The following PCDH9 variants were observed in gnomAD, a reference collection of about 807,000 sequenced individuals.
PCDH9 encodes protocadherin-9.
PCDH9 carries 24 observed loss-of-function variants against 70.6 expected under a neutral mutation model. The observed-to-expected ratio is 0.34, with a 90% CI of 0.25 to 0.48. The LOEUF (loss-of-function observed/expected upper bound fraction) is 0.48. Ranked by LOEUF, PCDH9 falls within the 20% of genes least tolerant of loss-of-function variation. The probability of loss-of-function intolerance (pLI) is 0.99; values close to 1 mark genes in which losing one functional copy is unlikely to be tolerated. For synonymous variants in PCDH9, 562 were observed against 558.5 expected, an observed-to-expected ratio of 1.01 and a Z score of -0.09; for missense variants, 1,281 against 1,503.6, an observed-to-expected ratio of 0.85 and a Z score of 2.45.
At chr13:67,106,802 C>A (rs9541002) in intron 2 of PCDH9, among the ~76,000 whole-genome samples, 18,511 of 152,250 alleles carry the variant, frequency 0.12, 1,202 homozygotes, top group African/African-American at 0.15. Flanking sequence ...TGGCCTCTCC[C>A]TGCCCCTGGC....
chr13:66,495,001 TGGAA>T (rs922812479), intron 4 of PCDH9, among the ~76,000 whole-genome samples: 25 of 150,728 alleles, frequency 1.7e-4, no homozygotes, highest in African/African-American at 4.6e-4. Flanking sequence ...GAGGAGAGGA[TGGAA>T]GGAAGGAAGG....
At chr13:67,008,907 C>A (rs771569613) in intron 2 of PCDH9, among the ~76,000 whole-genome samples, 5 of 152,020 alleles carry the variant, frequency 3.3e-5, no homozygotes, top group Non-Finnish European at 5.9e-5. Flanking sequence ...TCTCATAGAA[C>A]AAGAACATTA....
chr13:66,662,586 C>T (rs9540863), intron 3 of PCDH9, among the ~76,000 whole-genome samples: 86,449 of 151,978 alleles, frequency 0.57, 24,917 homozygotes, highest in African/African-American at 0.65. Flanking sequence ...TTGTCCAAGA[C>T]ATTGAATATC....
intron 4 of PCDH9, among the ~76,000 whole-genome samples, chr13:66,347,985 C>A (rs1956237137): frequency 6.6e-6 from 1 of 152,184 alleles, no homozygotes; most frequent in Admixed American, 6.5e-5. Context: ...TTCTTCAGGC[C>A]TCAGTTCAGT....
rs532351716 is a variant in PCDH9, at chr13:66,401,219, A to G, written c.3341-96191T>C. On this transcript the variant is annotated intron_variant, in intron 4 of 4. Transcript: ENST00000377865. ...AATCTCATCTTGAATTGTAGTCCGA[A>G]TTGTAATCCCCATGTGTTGGGGTGT... Among the ~76,000 whole-genome samples, 20 of 152,218 alleles carry G rather than the reference A, an allele frequency of 1.3e-4. 1 individual carries two copies. The South Asian group carries it at 3.9e-3, about 30-fold the overall frequency.
chr13:67,144,293 T>C (rs2087468619), intron 2 of PCDH9, among the ~76,000 whole-genome samples: 1 of 152,144 alleles, frequency 6.6e-6, no homozygotes, highest in South Asian at 2.1e-4. Flanking sequence ...TACAACTTTG[T>C]AAAATTTGTA....
At chr13:66,850,340 G>A (rs529191512) in intron 3 of PCDH9, among the ~76,000 whole-genome samples, 40 of 152,110 alleles carry the variant, frequency 2.6e-4, no homozygotes, top group African/African-American at 7.7e-4. Flanking sequence ...CCAATATGGC[G>A]AAGCCCCATC....
Position 67,141,240 on chromosome 13 carries a change from T to C in PCDH9, c.3036+84165A>G, listed in dbSNP as rs890009060. ...AAGTGTTATGAGTAAGTGGAAAAAG[T>C]GAAATGAGTTGAAATGCAGACGGCA... is the stretch of plus-strand genomic sequence containing the variant. On this transcript the variant is annotated intron_variant, in intron 2 of 4. Transcript: ENST00000377865. Among the ~76,000 whole-genome samples the C allele has an allele frequency of 2.0e-5, 3 of 151,804 alleles. No individual in the cohort carries two copies. The East Asian group carries it at 5.8e-4, about 30-fold the overall frequency.
intron 4 of PCDH9, among the ~76,000 whole-genome samples, chr13:66,467,116 T>G (rs148471052): frequency 5.2e-4 from 79 of 152,078 alleles, no homozygotes; most frequent in African/African-American, 1.7e-3. Flanking sequence ...TGTGATAATC[T>G]AAGGGAGCAC....
rs190629958 is a variant in PCDH9, at chr13:66,449,562, C to T, written c.3341-144534G>A. 1.6e-4 allele frequency among the ~76,000 whole-genome samples: 25 copies of T among 152,202 alleles called. No homozygotes were observed. The East Asian group carries it at 3.9e-3, about 24-fold the overall frequency. On this transcript the variant is annotated intron_variant, in intron 4 of 4. Coordinates refer to ENST00000377865, the MANE Select transcript of PCDH9 (RefSeq NM_203487.3). ...TATAATGGAGATATTAATGCTGTTA[C>T]GCCCACCTCACAAGAGTGTTCAGAA...
intron 3 of PCDH9, among the ~76,000 whole-genome samples, chr13:66,729,803 T>G (rs1482518976): frequency 6.6e-6 from 1 of 152,168 alleles, no homozygotes; most frequent in Non-Finnish European, 1.5e-5. Context: ...TGAAATGTCT[T>G]GACTTTTATG....
At chr13:66,354,238 C>A (rs1367439497) in intron 4 of PCDH9, among the ~76,000 whole-genome samples, 1 of 152,088 alleles carries the variant, frequency 6.6e-6, no homozygotes, top group African/African-American at 2.4e-5. Context: ...TACTCTGCAA[C>A]TGGAAGTTTC....
intron 2 of PCDH9, among the ~76,000 whole-genome samples, chr13:66,993,192 A>G (rs1027043188): frequency 5.9e-5 from 9 of 152,350 alleles, no homozygotes; most frequent in Admixed American, 5.2e-4. Flanking sequence ...GTCATGGAAT[A>G]CATAGTCACC....
intron 3 of PCDH9, among the ~76,000 whole-genome samples, chr13:66,760,206 A>G (rs538823430): frequency 7.9e-4 from 121 of 152,242 alleles, no homozygotes; most frequent in African/African-American, 2.4e-3. Flanking sequence ...TTCTGTAGAG[A>G]AGTCCTCTGC....
intron 4 of PCDH9, among the ~76,000 whole-genome samples, chr13:66,531,891 C>T (rs1360221116): frequency 1.3e-5 from 2 of 152,114 alleles, no homozygotes; most frequent in African/African-American, 4.8e-5. Context: ...AACTTAAGTT[C>T]TCTTGGCTGC....
At chr13:66,445,278 A>G (rs956378263) in intron 4 of PCDH9, among the ~76,000 whole-genome samples, 1 of 147,628 alleles carries the variant, frequency 6.8e-6, no homozygotes, top group African/African-American at 2.5e-5. Flanking sequence ...AAAAATAAAA[A>G]AGCTGAGTAT....
chr13:66,907,728 C>T (rs1043002926), intron 2 of PCDH9, among the ~76,000 whole-genome samples: 4 of 152,038 alleles, frequency 2.6e-5, no homozygotes, highest in Non-Finnish European at 5.9e-5. Flanking sequence ...GTTTTCTTTG[C>T]TAAATAGGGG....
chr13:67,140,527 C>T (rs1278140757), intron 2 of PCDH9, among the ~76,000 whole-genome samples: 1 of 152,086 alleles, frequency 6.6e-6, no homozygotes, highest in Non-Finnish European at 1.5e-5. Context: ...TGGAGCAGGT[C>T]AGGTGTTTTC....
At chr13:66,804,282 C>T (rs1227251126) in intron 3 of PCDH9, among the ~76,000 whole-genome samples, 1 of 152,144 alleles carries the variant, frequency 6.6e-6, no homozygotes, top group East Asian at 1.9e-4. Flanking sequence ...GTTTTGTTTA[C>T]TGAATCACCA....
Sources: gnomAD v4.1 joint callset for allele counts (sites outside exome capture counted in the v4.1 genomes callset) on GRCh38, gnomAD v4.1.1 for gene constraint, MANE v1.5 for transcripts, NCBI Gene and HGNC (gene_info 2026-07-23, HGNC 2026-07-21) for gene names.